The following TOP6BL variants were observed in gnomAD, a reference collection of about 807,000 sequenced individuals.
The protein encoded by TOP6BL is TOP6B like initiator of meiotic double strand breaks, also known as type 2 DNA topoisomerase 6 subunit B-like.
chr11:66,799,747 G>C, the TOP6BL span, among the ~76,000 whole-genome samples: 2 of 151,650 alleles, frequency 1.3e-5, no homozygotes, highest in Non-Finnish European at 2.9e-5. Context: ...GTTTCTCTAG[G>C]TTCATCCGTG....
chr11:66,797,966 G>A, the TOP6BL span, among the ~76,000 whole-genome samples: 10 of 152,252 alleles, frequency 6.6e-5, no homozygotes, highest in African/African-American at 2.4e-4. Flanking sequence ...TATTCTAAGT[G>A]CTCTTTGTGC....
the TOP6BL span, among the ~76,000 whole-genome samples, chr11:66,766,532 C>G: frequency 6.6e-6 from 1 of 152,170 alleles, no homozygotes; most frequent in Admixed American, 6.6e-5. Flanking sequence ...GAAGTAGAGG[C>G]AGCTCTGCAA....
the TOP6BL span, among the ~76,000 whole-genome samples, chr11:66,837,048 G>A: frequency 5.3e-5 from 8 of 152,042 alleles, no homozygotes; most frequent in Non-Finnish European, 7.4e-5. Context: ...CAGTACCTTA[G>A]CAGGTATGAT....
chr11:66,838,325 A>T, the TOP6BL span: 1 of 1,572,286 alleles, frequency 6.4e-7, no homozygotes, highest in Non-Finnish European at 8.8e-7. Context: ...GGGCTCGTTC[A>T]TGTTTCTACA....
chr11:66,766,472 A>T, the TOP6BL span, among the ~76,000 whole-genome samples: 1 of 151,970 alleles, frequency 6.6e-6, no homozygotes, highest in Non-Finnish European at 1.5e-5. Context: ...TTATACTTTT[A>T]TTCAGTAAAC....
At chr11:66,842,148 A>G in the TOP6BL span, among the ~76,000 whole-genome samples, 1 of 152,130 alleles carries the variant, frequency 6.6e-6, no homozygotes. Context: ...GGCTGCAGTG[A>G]GCCAGGACTG....
At chr11:66,756,380 C>T in the TOP6BL span, 16 of 1,188,414 alleles carry the variant, frequency 1.3e-5, no homozygotes, top group Non-Finnish European at 1.6e-5. Flanking sequence ...TTACCCAGGC[C>T]GGAGTGCAGT....
At chr11:66,762,889 T>C in the TOP6BL span, among the ~76,000 whole-genome samples, 1 of 152,234 alleles carries the variant, frequency 6.6e-6, no homozygotes, top group Non-Finnish European at 1.5e-5. Flanking sequence ...GAAACTTCTT[T>C]TCTGAAGTAA....
At chr11:66,749,338 G>A in the TOP6BL span, among the ~76,000 whole-genome samples, 3 of 152,094 alleles carry the variant, frequency 2.0e-5, no homozygotes, top group Admixed American at 1.3e-4. Flanking sequence ...GCTTGGCTAC[G>A]TGTCTAGGGT....
chr11:66,780,261 G>A, the TOP6BL span, among the ~76,000 whole-genome samples: 1 of 152,010 alleles, frequency 6.6e-6, no homozygotes, highest in Non-Finnish European at 1.5e-5. Flanking sequence ...CCTGCCTTAT[G>A]AGATTATTTT....
At chr11:66,786,937 GTT>G in the TOP6BL span, among the ~76,000 whole-genome samples, 1 of 143,758 alleles carries the variant, frequency 7.0e-6, no homozygotes. Flanking sequence ...TTTTTGTTTT[GTT>G]TTTTTTTTTT....
chr11:66,797,027 T>A, the TOP6BL span, among the ~76,000 whole-genome samples: 1 of 143,420 alleles, frequency 7.0e-6, no homozygotes. Flanking sequence ...TGAGACAGAG[T>A]CTTACTCTGT....
the TOP6BL span, chr11:66,843,461 G>T: frequency 1.4e-6 from 2 of 1,408,842 alleles, no homozygotes; most frequent in Non-Finnish European, 1.8e-6. Context: ...GCGCAATGGC[G>T]GCGCTGGGCG....
the TOP6BL span, among the ~76,000 whole-genome samples, chr11:66,796,666 C>A: frequency 6.6e-6 from 1 of 151,446 alleles, no homozygotes; most frequent in Non-Finnish European, 1.5e-5. Flanking sequence ...TCCTGTAATC[C>A]CAGTTCCTCA....
At chr11:66,805,524 C>G in the TOP6BL span, among the ~76,000 whole-genome samples, 9 of 151,490 alleles carry the variant, frequency 5.9e-5, no homozygotes, top group Non-Finnish European at 1.3e-4. Context: ...TGCGGTGACA[C>G]AATCTCAGCT....
the TOP6BL span, among the ~76,000 whole-genome samples, chr11:66,803,688 G>C: frequency 6.6e-6 from 1 of 152,136 alleles, no homozygotes; most frequent in East Asian, 1.9e-4. Context: ...GCCTCCCAAA[G>C]TGCTGGGATT....
At chr11:66,769,866 G>T in the TOP6BL span, among the ~76,000 whole-genome samples, 1 of 151,232 alleles carries the variant, frequency 6.6e-6, no homozygotes, top group Non-Finnish European at 1.5e-5. Flanking sequence ...TCAGCCTCCC[G>T]AGTAGCTGGG....
the TOP6BL span, among the ~76,000 whole-genome samples, chr11:66,767,942 C>T: frequency 6.6e-6 from 1 of 152,122 alleles, no homozygotes; most frequent in East Asian, 1.9e-4. Flanking sequence ...CAGGTGTGTA[C>T]CACCATGCCC....
the TOP6BL span, among the ~76,000 whole-genome samples, chr11:66,818,691 G>C: frequency 6.6e-6 from 1 of 152,126 alleles, no homozygotes; most frequent in Non-Finnish European, 1.5e-5. Flanking sequence ...CCCATCAAAG[G>C]CCCTTCCAGG....
Sources: allele counts gnomAD v4.1 joint callset (sites outside exome capture counted in the v4.1 genomes callset), GRCh38; gene constraint gnomAD v4.1.1; transcripts MANE v1.5; gene names NCBI Gene and HGNC (gene_info 2026-07-23, HGNC 2026-07-21).